The following ENOX1 variants were observed in gnomAD, a reference collection of about 807,000 sequenced individuals.
ENOX1 encodes the protein ecto-NOX disulfide-thiol exchanger 1, also known as candidate growth-related and time keeping constitutive hydroquinone (NADH) oxidase.
Under a neutral mutation model 82.5 loss-of-function variants are expected in ENOX1, and 42 were observed. The ratio of observed to expected loss-of-function variants is 0.51; its 90% CI spans 0.40 to 0.66. The LOEUF (loss-of-function observed/expected upper bound fraction) is 0.66. Among genes scored for constraint, ENOX1 ranks in the 30% least tolerant of loss-of-function variants. The probability of loss-of-function intolerance (pLI) is 0.00; values close to 1 mark genes in which losing one functional copy is unlikely to be tolerated. For synonymous variants in ENOX1, 271 were observed against 282.2 expected, an observed-to-expected ratio of 0.96 and a Z score of 0.40; for missense variants, 608 against 811.6, an observed-to-expected ratio of 0.75 and a Z score of 3.05.
At chr13:43,317,638 T>G (rs2047577786) in intron 11 of ENOX1, among the ~76,000 whole-genome samples, 1 of 151,806 alleles carries the variant, frequency 6.6e-6, no homozygotes, top group Non-Finnish European at 1.5e-5. Context: ...CAAACCTAAT[T>G]ATGAGTTCCT....
chr13:43,473,216 C>T (rs2058143373), intron 3 of ENOX1, among the ~76,000 whole-genome samples: 1 of 152,116 alleles, frequency 6.6e-6, no homozygotes, highest in East Asian at 1.9e-4. Context: ...GACTGTCATC[C>T]TTTGGCTTGT....
intron 2 of ENOX1, among the ~76,000 whole-genome samples, chr13:43,518,650 C>T (rs2077648402): frequency 6.6e-6 from 1 of 152,060 alleles, no homozygotes; most frequent in Non-Finnish European, 1.5e-5. Context: ...ACAGAATCCA[C>T]AAATCTTAAA....
chr13:43,258,429 G>C lies in ENOX1; in HGVS notation c.1611+6969C>G, dbSNP rs535891707. 6.6e-5 allele frequency among the ~76,000 whole-genome samples: 10 copies of C among 152,306 alleles called. No homozygotes were observed. In the East Asian group the frequency reaches 1.9e-3, roughly 29 times the overall value. ...AAGAAGGCAGCTGCATAGGGGCAGG[G>C]GTTGTAGAGGGAGAGCAGGGTTAGA... is the stretch of plus-strand genomic sequence containing the variant. On this transcript the variant is annotated intron_variant, in intron 14 of 16. Transcript: ENST00000690772.
intron 3 of ENOX1, among the ~76,000 whole-genome samples, chr13:43,483,035 T>C (rs760021708): frequency 2.0e-5 from 3 of 152,090 alleles, no homozygotes; most frequent in Non-Finnish European, 2.9e-5. Context: ...CTTTGATTCT[T>C]AGTAGAAATA....
At chr13:43,557,312 C>T (rs745382149) in intron 2 of ENOX1, among the ~76,000 whole-genome samples, 2 of 152,054 alleles carry the variant, frequency 1.3e-5, no homozygotes, top group Admixed American at 1.3e-4. Context: ...TTCCATAAAG[C>T]GGTCTGAGGC....
chr13:43,481,592 T>G (rs2153655945), intron 3 of ENOX1, among the ~76,000 whole-genome samples: 1 of 152,210 alleles, frequency 6.6e-6, no homozygotes, highest in African/African-American at 2.4e-5. Flanking sequence ...AGCTCCATAT[T>G]TGGTCTTGGC....
chr13:43,262,796 G>A (rs1285608303), intron 14 of ENOX1, among the ~76,000 whole-genome samples: 1 of 152,298 alleles, frequency 6.6e-6, no homozygotes, highest in East Asian at 1.9e-4. Flanking sequence ...TACTATTGAT[G>A]CATGAAGAGA....
At chr13:43,515,857 A>G (rs527471749) in intron 2 of ENOX1, among the ~76,000 whole-genome samples, 1 of 152,258 alleles carries the variant, frequency 6.6e-6, no homozygotes, top group East Asian at 1.9e-4. Context: ...TCTCCCTGCT[A>G]ACATGCCATG....
intron 12 of ENOX1, among the ~76,000 whole-genome samples, chr13:43,290,483 A>G (rs2045936938): frequency 1.3e-5 from 2 of 152,178 alleles, no homozygotes. Flanking sequence ...TTAATCCTAA[A>G]CAAGTTAACA....
rs116096429 is a variant in ENOX1, at chr13:43,387,296, G to T, written c.208+24620C>A. Among the ~76,000 whole-genome samples the T allele has an allele frequency of 2.6e-3, 390 of 152,310 alleles. 1 individual carries two copies. The highest frequency in any genetic ancestry group is 8.9e-3 in the African/African-American group (371 of 41,572). ...GGAAGCCGTTTGATTGGTTAAGATG[G>T]TCTGTCTGGAAAAGAACTTTTGAGT... On this transcript the variant is annotated intron_variant, in intron 5 of 16. Transcript: ENST00000690772.
At chr13:43,323,563 G>T (rs1266139770) in intron 10 of ENOX1, among the ~76,000 whole-genome samples, 1 of 152,110 alleles carries the variant, frequency 6.6e-6, no homozygotes, top group Non-Finnish European at 1.5e-5. Context: ...TTTGTATCAA[G>T]CTGTATATTA....
chr13:43,434,961 T>C (rs1340674609), intron 3 of ENOX1, among the ~76,000 whole-genome samples: 5 of 115,216 alleles, frequency 4.3e-5, no homozygotes, highest in African/African-American at 1.5e-4. Context: ...TTTTTTTTTT[T>C]TGTATATCTA....
chr13:43,411,622 G>A (rs1409058324), intron 5 of ENOX1, among the ~76,000 whole-genome samples: 1 of 152,192 alleles, frequency 6.6e-6, no homozygotes, highest in Admixed American at 6.5e-5. Context: ...AATGAGTTTT[G>A]CAAATTGGAA....
chr13:43,349,935 G>C (rs2049663749), intron 8 of ENOX1, among the ~76,000 whole-genome samples: 1 of 152,048 alleles, frequency 6.6e-6, no homozygotes, highest in African/African-American at 2.4e-5. Flanking sequence ...AAATAAAAAG[G>C]GTTCAAGACT....
chr13:43,569,372 T>G (rs1456503200), intron 2 of ENOX1, among the ~76,000 whole-genome samples: 1 of 152,172 alleles, frequency 6.6e-6, no homozygotes, highest in Non-Finnish European at 1.5e-5. Flanking sequence ...TAAGTAGAGA[T>G]AGATAGATAG....
chr13:43,392,898 T>C, intron 5 of ENOX1, among the ~76,000 whole-genome samples: 1 of 152,228 alleles, frequency 6.6e-6, no homozygotes. Context: ...AGATGTGTTT[T>C]GAAGAAATAT....
At chr13:43,581,368 G>A (rs1471115209) in intron 2 of ENOX1, among the ~76,000 whole-genome samples, 2 of 151,658 alleles carry the variant, frequency 1.3e-5, no homozygotes, top group Non-Finnish European at 1.5e-5. Flanking sequence ...TCCTGACCTC[G>A]TGATCCGCCC....
In ENOX1 at chr13:43,612,042, T is replaced by A. The variant is rs575462812; in HGVS notation, c.-219+55437A>T. Among the ~76,000 whole-genome samples the A allele has an allele frequency of 2.0e-5, 3 of 152,202 alleles. No individual in the cohort carries two copies. The South Asian group carries it at 6.2e-4, about 31-fold the overall frequency. On this transcript the variant is annotated intron_variant, in intron 2 of 16. Transcript: ENST00000690772. ...ATTGCTGTCAACAGGCATCTTCACA[T>A]ATGAATGTTAATAGCATATTATTAA...
intron 2 of ENOX1, among the ~76,000 whole-genome samples, chr13:43,630,747 A>G (rs1194508173): frequency 1.3e-5 from 2 of 152,028 alleles, no homozygotes; most frequent in Admixed American, 6.6e-5. Flanking sequence ...GGAACTCCAC[A>G]TAATACTATC....
Sources: allele counts gnomAD v4.1 joint callset (sites outside exome capture counted in the v4.1 genomes callset), GRCh38; gene constraint gnomAD v4.1.1; transcripts MANE v1.5; gene names NCBI Gene and HGNC (gene_info 2026-07-23, HGNC 2026-07-21).